PACRG: variants seen among roughly 807,000 people sequenced by gnomAD.
The protein encoded by PACRG is parkin coregulated.
In PACRG, 29 loss-of-function variants were observed where a neutral mutation model predicts 29.7. The observed-to-expected ratio is 0.98, with a 90% confidence interval of 0.73 to 1.33. The LOEUF is 1.33. Ranked by LOEUF, PACRG falls within the 40% of genes most tolerant of loss-of-function variation. The probability of loss-of-function intolerance (pLI) is 0.00; values close to 1 mark genes in which losing one functional copy is unlikely to be tolerated. For synonymous variants in PACRG, 116 were observed against 118.7 expected (o/e 0.98, Z 0.15); for missense variants, 279 against 316.2 (o/e 0.88, Z 0.89).
At position 162,947,310 on chromosome 6, in the gene PACRG, TA is replaced by T. The variant is rs1214391459; in HGVS notation, c.292-114838del. On this transcript the variant is annotated intron_variant, in intron 2 of 4. Transcript: ENST00000366888. The stretch of plus-strand genomic sequence containing the variant: ...CATACATATAATCATATAATATATA[TA>T]ATCATATATAATACATATAATCATA... 7.5e-3 allele frequency among the ~76,000 whole-genome samples: 731 copies of T among 96,884 alleles called. 22 individuals are homozygous for T. The highest frequency in any genetic ancestry group is 0.026 in the African/African-American group (663 of 25,612). 63.6% of individuals were successfully genotyped at this position (96,884 alleles called of 152,430 possible).
Position 163,315,206 on chromosome 6 carries a change from A to G in PACRG, c.*219A>G. On this transcript the variant is annotated 3_prime_UTR_variant, in exon 5 of 5. Coordinates refer to ENST00000366888, the MANE Select transcript of PACRG (RefSeq NM_001080379.2). Reference sequence around the variant, plus strand: ...TAGATTACAATAGTGTACTGTGCTTATTTGTTCTAAGAGAAGAATTGCTTC... The same window carrying G: ...TAGATTACAATAGTGTACTGTGCTTGTTTGTTCTAAGAGAAGAATTGCTTC... The G allele has an allele frequency of 2.2e-6, 1 of 454,284 alleles. No homozygotes were observed. Among genetic ancestry groups the G allele is most frequent in the Non-Finnish European group, 3.8e-6 (1 of 263,788 alleles). 28.1% of individuals were successfully genotyped at this position (454,284 alleles called of 1,614,324 possible). A position where few individuals can be genotyped will look rare whatever the true frequency, so the allele number is the denominator to read the frequency against.
chr6:163,002,458 C>G (rs1313656646), intron 2 of PACRG, among the ~76,000 whole-genome samples: 1 of 152,024 alleles, frequency 6.6e-6, no homozygotes, highest in Non-Finnish European at 1.5e-5. Flanking sequence ...AACCAAACAA[C>G]AGAGTAATTT....
At chr6:162,756,036 A>C (rs1781892290) in intron 1 of PACRG, among the ~76,000 whole-genome samples, 1 of 151,806 alleles carries the variant, frequency 6.6e-6, no homozygotes, top group African/African-American at 2.4e-5. Flanking sequence ...AGTCCTCTTA[A>C]ATTTGTTAAG....
At chr6:163,119,102 C>T (rs946342676) in intron 4 of PACRG, among the ~76,000 whole-genome samples, 2 of 152,176 alleles carry the variant, frequency 1.3e-5, no homozygotes, top group African/African-American at 2.4e-5. Flanking sequence ...CAAGAGTCCC[C>T]GCTGCATGCA....
chr6:163,110,935 G>T (rs1034474833), intron 4 of PACRG, among the ~76,000 whole-genome samples: 3 of 152,236 alleles, frequency 2.0e-5, no homozygotes, highest in Non-Finnish European at 2.9e-5. Flanking sequence ...GTAGGAAGGA[G>T]AAACACTCAC....
At chr6:162,815,921 T>A (rs999825496) in intron 2 of PACRG, among the ~76,000 whole-genome samples, 3 of 152,220 alleles carry the variant, frequency 2.0e-5, no homozygotes, top group Admixed American at 1.3e-4. Flanking sequence ...TTTAGGTAAT[T>A]ATAACCTACA....
At chr6:162,931,246 A>G (rs1302699408) in intron 2 of PACRG, among the ~76,000 whole-genome samples, 2 of 151,856 alleles carry the variant, frequency 1.3e-5, no homozygotes, top group Non-Finnish European at 2.9e-5. Context: ...TGCTTTGCAA[A>G]TATTTTCTTC....
chr6:162,873,366 G>A (rs1383358719), intron 2 of PACRG, among the ~76,000 whole-genome samples: 2 of 152,124 alleles, frequency 1.3e-5, no homozygotes, highest in African/African-American at 4.8e-5. Context: ...CTCAATTTTA[G>A]TGGTAGGAGT....
chr6:163,255,887 C>T (rs953952303), intron 4 of PACRG, among the ~76,000 whole-genome samples: 1 of 152,154 alleles, frequency 6.6e-6, no homozygotes, highest in Non-Finnish European at 1.5e-5. Flanking sequence ...CCACCTGCCT[C>T]GGCCTCCCAA....
At position 162,931,178 on chromosome 6, in the gene PACRG, T is replaced by G. The variant is rs1797826273; in HGVS notation, c.291+116897T>G. Among the ~76,000 whole-genome samples the G allele has an allele frequency of 2.0e-5, 3 of 152,010 alleles. 1 individual carries two copies. In the South Asian group the frequency reaches 6.2e-4, roughly 32 times the overall value. On this transcript the variant is annotated intron_variant, in intron 2 of 4. Transcript: ENST00000366888. Reference sequence around the variant, plus strand: ...ACCAATTTTTGATTGAATTGTTTTCTTATTGATTTATGAGAGTTCTTTTTA... The same window carrying G: ...ACCAATTTTTGATTGAATTGTTTTCGTATTGATTTATGAGAGTTCTTTTTA...
At chr6:162,791,858 G>A (rs1004261721) in intron 1 of PACRG, among the ~76,000 whole-genome samples, 2 of 152,154 alleles carry the variant, frequency 1.3e-5, no homozygotes, top group Admixed American at 6.5e-5. Context: ...GTCAATCCCA[G>A]CAGGACACAG....
At chr6:163,287,305 C>T (rs889172725) in intron 4 of PACRG, among the ~76,000 whole-genome samples, 4 of 152,136 alleles carry the variant, frequency 2.6e-5, no homozygotes, top group South Asian at 2.1e-4. Flanking sequence ...ATCTGAACAA[C>T]GTTTTGGAAA....
intron 4 of PACRG, among the ~76,000 whole-genome samples, chr6:163,283,096 T>C (rs969891116): frequency 2.0e-4 from 31 of 152,260 alleles, no homozygotes; most frequent in African/African-American, 3.9e-4. Context: ...CTATATGACA[T>C]GATAATTTTC....
chr6:163,210,861 T>C (rs1781107881), intron 4 of PACRG, among the ~76,000 whole-genome samples: 2 of 152,238 alleles, frequency 1.3e-5, no homozygotes, highest in South Asian at 4.1e-4. Flanking sequence ...GGGAAAAATG[T>C]GGTTCATCCC....
At chr6:163,104,705 TA>T (rs1815285075) in intron 4 of PACRG, among the ~76,000 whole-genome samples, 1 of 152,254 alleles carries the variant, frequency 6.6e-6, no homozygotes, top group Non-Finnish European at 1.5e-5. Flanking sequence ...TTTTCATTTC[TA>T]AATGTAATCC....
intron 4 of PACRG, among the ~76,000 whole-genome samples, chr6:163,273,592 A>T (rs559555627): frequency 5.2e-4 from 79 of 152,074 alleles, no homozygotes; most frequent in Non-Finnish European, 1.0e-3. Flanking sequence ...AATTTATCCA[A>T]ATTTCAAATG....
In PACRG at chr6:162,728,007, T is replaced by A. The variant is rs1346847739; in HGVS notation, c.-229T>A. On this transcript the variant is annotated 5_prime_UTR_variant, in exon 1 of 5. Coordinates refer to ENST00000366888, the MANE Select transcript of PACRG (RefSeq NM_001080379.2). ...ACCGGGAGGCTTACCTTTGGAAGCT[T>A]GTTGCAGCTCTAGCCAAGGTCCTGC... 1 of 638,084 alleles carries A rather than the reference T, an allele frequency of 1.6e-6. No individual in the cohort carries two copies. The highest frequency in any genetic ancestry group is 2.6e-5 in the East Asian group (1 of 37,910). 39.5% of individuals were successfully genotyped at this position (638,084 alleles called of 1,614,324 possible). A position where few individuals can be genotyped will look rare whatever the true frequency, so the allele number is the denominator to read the frequency against.
intron 1 of PACRG, among the ~76,000 whole-genome samples, chr6:162,729,340 C>A (rs1263220096): frequency 6.6e-6 from 1 of 152,102 alleles, no homozygotes; most frequent in Middle Eastern, 3.2e-3. Flanking sequence ...GTGTTGTTTT[C>A]CAGTGTCACA....
At chr6:163,031,872 T>A (rs1417075060) in intron 2 of PACRG, among the ~76,000 whole-genome samples, 1 of 152,176 alleles carries the variant, frequency 6.6e-6, no homozygotes, top group Non-Finnish European at 1.5e-5. Flanking sequence ...AGGGACTGTA[T>A]AATAGGCAAG....
Sources: allele counts gnomAD v4.1 joint callset (sites outside exome capture counted in the v4.1 genomes callset), GRCh38; gene constraint gnomAD v4.1.1; transcripts MANE v1.5; gene names NCBI Gene and HGNC (gene_info 2026-07-23, HGNC 2026-07-21).